LSAMP: variants seen among roughly 807,000 people sequenced by gnomAD.
LSAMP encodes limbic system associated membrane protein.
LSAMP carries 7 observed loss-of-function variants against 38.6 expected under a neutral mutation model. The observed-to-expected ratio is 0.18, with a 90% confidence interval of 0.10 to 0.34. LSAMP has a LOEUF of 0.34. LSAMP is among the 10% of genes least tolerant of loss of function. The pLI is 1.00. For synonymous variants in LSAMP, 154 were observed against 166.8 expected, an observed-to-expected ratio of 0.92 and a Z score of 0.59; for missense variants, 313 against 420.0, an observed-to-expected ratio of 0.75 and a Z score of 2.23.
intron 1 of LSAMP, among the ~76,000 whole-genome samples, chr3:116,350,967 G>A (rs980571821): frequency 8.6e-5 from 13 of 151,970 alleles, no homozygotes; most frequent in Non-Finnish European, 1.6e-4. Context: ...GGTTTCAGGC[G>A]TCACTGAGGG....
intron 1 of LSAMP, among the ~76,000 whole-genome samples, chr3:116,142,903 C>T (rs866331386): frequency 1.3e-5 from 2 of 151,782 alleles, no homozygotes; most frequent in African/African-American, 4.8e-5. Flanking sequence ...TTTGTGTCCT[C>T]GTTCATATCC....
intron 2 of LSAMP, among the ~76,000 whole-genome samples, chr3:116,036,577 C>T (rs1230711608): frequency 2.6e-5 from 4 of 152,156 alleles, no homozygotes; most frequent in African/African-American, 9.7e-5. Context: ...GTGCTAAAAA[C>T]CTGTAAGTGG....
intron 1 of LSAMP, among the ~76,000 whole-genome samples, chr3:116,214,049 T>C (rs1179700036): frequency 1.3e-5 from 2 of 152,216 alleles, no homozygotes; most frequent in Non-Finnish European, 2.9e-5. Context: ...AGATATCTCA[T>C]GTTAAGAGTT....
chr3:115,857,101 C>T (rs1935530308), intron 3 of LSAMP, among the ~76,000 whole-genome samples: 1 of 152,174 alleles, frequency 6.6e-6, no homozygotes, highest in South Asian at 2.1e-4. Flanking sequence ...TGGCCATGTC[C>T]TGAGGAATTA....
chr3:115,979,161 G>C (rs192338253), intron 3 of LSAMP, among the ~76,000 whole-genome samples: 2 of 152,044 alleles, frequency 1.3e-5, no homozygotes, highest in African/African-American at 4.8e-5. Context: ...CACAGATAGA[G>C]AGACTAGACA....
At chr3:116,154,073 A>G (rs969979340) in intron 1 of LSAMP, among the ~76,000 whole-genome samples, 1 of 152,066 alleles carries the variant, frequency 6.6e-6, no homozygotes, top group African/African-American at 2.4e-5. Context: ...TATGTACCTC[A>G]TGGAGTGGTT....
chr3:116,038,810 T>C (rs553603522), intron 2 of LSAMP, among the ~76,000 whole-genome samples: 18 of 152,362 alleles, frequency 1.2e-4, no homozygotes, highest in Non-Finnish European at 2.5e-4. Flanking sequence ...CTGCATGTTA[T>C]AAGACAAAAG....
At chr3:116,398,473 C>A (rs936911578) in intron 1 of LSAMP, among the ~76,000 whole-genome samples, 1 of 151,980 alleles carries the variant, frequency 6.6e-6, no homozygotes, top group African/African-American at 2.4e-5. Flanking sequence ...TAACGTTGAC[C>A]GATTAGCTGA....
intron 2 of LSAMP, among the ~76,000 whole-genome samples, chr3:116,078,771 G>T (rs988139565): frequency 2.0e-5 from 3 of 152,066 alleles, no homozygotes; most frequent in African/African-American, 7.2e-5. Context: ...GGCATGACTC[G>T]TCATTTTTTT....
intron 1 of LSAMP, among the ~76,000 whole-genome samples, chr3:116,148,239 A>T (rs950395232): frequency 2.0e-5 from 3 of 151,918 alleles, no homozygotes; most frequent in African/African-American, 4.8e-5. Context: ...TTGATTCATT[A>T]ATTATTTATT....
chr3:116,120,253 AATG>A (rs1317285565), intron 1 of LSAMP, among the ~76,000 whole-genome samples: 2 of 152,180 alleles, frequency 1.3e-5, no homozygotes. Context: ...CAGCCAGGGA[AATG>A]ATGGTGGTGG....
chr3:116,424,550 T>C (rs1342773216), intron 1 of LSAMP, among the ~76,000 whole-genome samples: 2 of 152,178 alleles, frequency 1.3e-5, no homozygotes, highest in Non-Finnish European at 2.9e-5. Flanking sequence ...CGGCAGTACA[T>C]GGATAAAAAG....
intron 1 of LSAMP, among the ~76,000 whole-genome samples, chr3:116,374,859 A>C (rs2048474369): frequency 6.6e-6 from 1 of 151,896 alleles, no homozygotes; most frequent in South Asian, 2.1e-4. Flanking sequence ...CAGAACATGA[A>C]TTGCTACCAA....
At chr3:116,110,053 G>A (rs1433872332) in intron 1 of LSAMP, among the ~76,000 whole-genome samples, 2 of 151,918 alleles carry the variant, frequency 1.3e-5, no homozygotes, top group Non-Finnish European at 2.9e-5. Flanking sequence ...TCGGGGTGTG[G>A]AAATAAGGAA....
intron 1 of LSAMP, among the ~76,000 whole-genome samples, chr3:116,335,517 A>G (rs2047908251): frequency 6.6e-6 from 1 of 152,124 alleles, no homozygotes; most frequent in South Asian, 2.1e-4. Context: ...AGACAGACAT[A>G]TAAACCAATG....
intron 1 of LSAMP, among the ~76,000 whole-genome samples, chr3:116,374,193 C>G (rs768375913): frequency 6.6e-6 from 1 of 151,810 alleles, no homozygotes; most frequent in Admixed American, 6.6e-5. Flanking sequence ...TGATTAATAC[C>G]TTGCAAGACA....
At chr3:116,341,783 G>A (rs1386341722) in intron 1 of LSAMP, among the ~76,000 whole-genome samples, 1 of 151,936 alleles carries the variant, frequency 6.6e-6, no homozygotes, top group African/African-American at 2.4e-5. Context: ...ACTCTGGTTC[G>A]GCTAAGGTAC....
chr3:115,864,599 C>T (rs2107370306), intron 3 of LSAMP, among the ~76,000 whole-genome samples: 1 of 152,242 alleles, frequency 6.6e-6, no homozygotes, highest in East Asian at 1.9e-4. Context: ...AGAACTCATC[C>T]TTTGTTCTAG....
chr3:116,424,557 A>C (rs1446093232), intron 1 of LSAMP, among the ~76,000 whole-genome samples: 2 of 152,244 alleles, frequency 1.3e-5, no homozygotes, highest in African/African-American at 4.8e-5. Context: ...ACATGGATAA[A>C]AAGTAGAATC....
Sources: gnomAD v4.1 joint callset for allele counts (sites outside exome capture counted in the v4.1 genomes callset) on GRCh38, gnomAD v4.1.1 for gene constraint, MANE v1.5 for transcripts, NCBI Gene and HGNC (gene_info 2026-07-23, HGNC 2026-07-21) for gene names.